PRORP: variants seen among roughly 807,000 people sequenced by gnomAD.
The protein encoded by PRORP is mitochondrial ribonuclease P catalytic subunit.
PRORP carries 51 observed loss-of-function variants against 59.4 expected under a neutral mutation model. That is an observed-to-expected ratio of 0.86 (90% CI 0.69 to 1.08). The LOEUF is 1.08. Ranked by LOEUF, PRORP falls within the 50% of genes least tolerant of loss-of-function variation. The pLI, the probability that PRORP is intolerant of heterozygous loss-of-function variation, is 0.00. For missense variants in PRORP, 646 were observed against 690.3 expected, an observed-to-expected ratio of 0.94 and a Z score of 0.72; for synonymous variants, 231 against 245.6, an observed-to-expected ratio of 0.94 and a Z score of 0.55.
chr14:35,270,679 A>C, intron 7 of PRORP, 83 bp downstream of exon 7: 1 of 1,256,634 alleles, frequency 8.0e-7, no homozygotes, highest in Non-Finnish European at 1.1e-6. Flanking sequence ...TGTCACAACT[A>C]ATTGAAGGTT....
intron 4 of PRORP, 140 bp from the exon 5 acceptor site, chr14:35,180,530 G>GTA: frequency 1.8e-6 from 1 of 566,122 alleles, no homozygotes; most frequent in South Asian, 2.2e-5. Flanking sequence ...GAGTATCTGT[G>GTA]TGTGTGTGTG....
intron 5 of PRORP, among the ~76,000 whole-genome samples, chr14:35,199,397 A>T (rs1374842073): frequency 6.6e-6 from 1 of 151,956 alleles, no homozygotes; most frequent in Admixed American, 6.6e-5. Context: ...TCCACTCCAC[A>T]TTCATGTTGA....
At position 35,232,274 on chromosome 14, in the gene PRORP, T is replaced by C. The variant is rs149061127; in HGVS notation, c.1276-34453T>C. 1.7e-3 allele frequency among the ~76,000 whole-genome samples: 262 copies of C among 151,568 alleles called. 1 individual carries two copies. The highest frequency in any genetic ancestry group is 6.0e-3 in the African/African-American group (249 of 41,312). ...AGGCTGGAGTGCAGTGACACAAACA[T>C]AGCTTACTGCAGCCTCAGACTCCTG... On this transcript the variant is annotated intron_variant, in intron 5 of 7. Transcript: ENST00000534898.
At chr14:35,197,435 A>G (rs1239903569) in intron 5 of PRORP, among the ~76,000 whole-genome samples, 1 of 152,196 alleles carries the variant, frequency 6.6e-6, no homozygotes, top group Non-Finnish European at 1.5e-5. Flanking sequence ...ATTCTTACCT[A>G]ATTATTACAG....
intron 4 of PRORP, chr14:35,144,071 CCAGT>C (rs1227158499): frequency 1.3e-5 from 2 of 150,982 alleles, no homozygotes; most frequent in African/African-American, 4.8e-5. Flanking sequence ...TAGTTAGGAG[CCAGT>C]CAAACATAGG....
intron 5 of PRORP, among the ~76,000 whole-genome samples, chr14:35,185,697 T>C (rs1013929784): frequency 3.0e-4 from 45 of 152,242 alleles, no homozygotes; most frequent in Non-Finnish European, 5.7e-4. Context: ...CTTAGTGTCA[T>C]GCTGTTGGTC....
intron 5 of PRORP, among the ~76,000 whole-genome samples, chr14:35,245,008 AT>A (rs1262795926): frequency 2.0e-5 from 3 of 152,228 alleles, no homozygotes; most frequent in Non-Finnish European, 4.4e-5. Context: ...ATCTGGCTTT[AT>A]TCTTTGGGAG....
intron 5 of PRORP, among the ~76,000 whole-genome samples, chr14:35,258,223 T>A (rs2050807737): frequency 6.6e-6 from 1 of 151,978 alleles, no homozygotes. Context: ...AACTCCTGAG[T>A]TCAAGAGATC....
At chr14:35,199,332 TAAA>T (rs1167921225) in intron 5 of PRORP, among the ~76,000 whole-genome samples, 10 of 107,108 alleles carry the variant, frequency 9.3e-5, no homozygotes, top group Non-Finnish European at 1.2e-4. Flanking sequence ...AGACTCCATC[TAAA>T]AAAAAAAAAA....
At chr14:35,226,851 C>T (rs899148322) in intron 5 of PRORP, among the ~76,000 whole-genome samples, 1 of 152,052 alleles carries the variant, frequency 6.6e-6, no homozygotes, top group East Asian at 1.9e-4. Context: ...CCTCCCACTT[C>T]AGCCTCCCAA....
chr14:35,133,215 A>T (rs1471279057), intron 4 of PRORP, among the ~76,000 whole-genome samples: 2 of 152,164 alleles, frequency 1.3e-5, no homozygotes, highest in African/African-American at 4.8e-5. Context: ...TACCATGCCC[A>T]GCCCTAACTG....
intron 5 of PRORP, among the ~76,000 whole-genome samples, 173 bp downstream of exon 5, chr14:35,180,950 A>T (rs547329228): frequency 1.3e-5 from 2 of 152,090 alleles, no homozygotes; most frequent in South Asian, 4.1e-4. Context: ...TTTCATCACT[A>T]ATAAGTCGCT....
intron 6 of PRORP, among the ~76,000 whole-genome samples, chr14:35,267,882 G>C (rs573467352): frequency 2.0e-5 from 3 of 152,274 alleles, no homozygotes; most frequent in African/African-American, 7.2e-5. Context: ...AAGAGGGAAA[G>C]TAATAAGCTC....
intron 4 of PRORP, among the ~76,000 whole-genome samples, chr14:35,172,413 T>TTTCCTTCCTTCCTACCTTCC (rs2048333210): frequency 1.3e-5 from 1 of 77,548 alleles, no homozygotes; most frequent in African/African-American, 4.8e-5. Context: ...GGTTTCTTTC[T>TTTCCTTCCTTCCTACCTTCC]TTCCTTCCTT....
intron 4 of PRORP, among the ~76,000 whole-genome samples, chr14:35,136,443 C>T (rs1302176065): frequency 1.4e-5 from 2 of 147,836 alleles, no homozygotes; most frequent in African/African-American, 2.4e-5. Flanking sequence ...GGCGCAATCT[C>T]TGCTTACCGC....
intron 5 of PRORP, among the ~76,000 whole-genome samples, chr14:35,204,052 G>A (rs1472507471): frequency 6.6e-6 from 1 of 152,108 alleles, no homozygotes; most frequent in African/African-American, 2.4e-5. Flanking sequence ...TTCACATATG[G>A]TATCTGTTAC....
rs2138688986 is a variant in PRORP at position 35,273,774 on chromosome 14, C to T, written c.*208C>T. The T allele has an allele frequency of 5.3e-6, 2 of 377,156 alleles. 1 individual carries two copies. Among genetic ancestry groups the T allele is most frequent in the South Asian group, 1.0e-4 (2 of 19,290 alleles). 23.4% of individuals were successfully genotyped at this position (377,156 alleles called of 1,614,324 possible). A position where few individuals can be genotyped will look rare whatever the true frequency, so the allele number is the denominator to read the frequency against. On this transcript the variant is annotated 3_prime_UTR_variant, in exon 8 of 8. Transcript: ENST00000534898. ...TTCCCCTAACATTTGTTTTTGGAGG[C>T]TTATCAAGAGTTGGAGAACTTAGTG...
chr14:35,232,642 G>A (rs2050110741), intron 5 of PRORP, among the ~76,000 whole-genome samples: 1 of 151,864 alleles, frequency 6.6e-6, no homozygotes, highest in Non-Finnish European at 1.5e-5. Context: ...GTAAAATCTG[G>A]CAACGTCCCA....
intron 4 of PRORP, among the ~76,000 whole-genome samples, chr14:35,149,445 T>G (rs1234890638): frequency 1.3e-5 from 2 of 152,136 alleles, no homozygotes; most frequent in Non-Finnish European, 2.9e-5. Flanking sequence ...ACGCCTGACC[T>G]CAAGTGATCC....
Sources: allele counts gnomAD v4.1 joint callset (sites outside exome capture counted in the v4.1 genomes callset), GRCh38; gene constraint gnomAD v4.1.1; transcripts MANE v1.5; gene names NCBI Gene and HGNC (gene_info 2026-07-23, HGNC 2026-07-21).